KIF9: variants seen among roughly 807,000 people sequenced by gnomAD.
KIF9 encodes the protein kinesin-like protein KIF9.
Under a neutral mutation model 94.8 loss-of-function variants are expected in KIF9, and 68 were observed. The observed-to-expected ratio is 0.72, with a 90% CI of 0.59 to 0.88. KIF9 has a LOEUF of 0.88. Ranked by LOEUF, KIF9 falls within the 40% of genes least tolerant of loss-of-function variation. The pLI is 0.00. For synonymous variants in KIF9, 343 were observed against 362.1 expected (o/e 0.95, Z 0.60); for missense variants, 882 against 982.5 (o/e 0.90, Z 1.37).
Position 47,282,714 on chromosome 3 carries a change from T to G in KIF9, c.-225A>C. The G allele has an allele frequency of 7.2e-7, 1 of 1,381,332 alleles. No individual in the cohort carries two copies. The allele number at this position is 1,381,332 out of a possible 1,614,324, so 85.6% of individuals were successfully genotyped here. A position where few individuals can be genotyped will look rare whatever the true frequency, so the allele number is the denominator to read the frequency against. On this transcript the variant is annotated 5_prime_UTR_variant, in exon 1 of 21. Coordinates refer to ENST00000684063, the MANE Select transcript of KIF9 (RefSeq NM_182902.4). ...TCGGGAAGACGAGAGATGGGGCCGATTGATCTAGAAAGACTTCGGCGGATG... is the reference window on the plus strand; with the variant it reads ...TCGGGAAGACGAGAGATGGGGCCGAGTGATCTAGAAAGACTTCGGCGGATG...
chr3:47,254,287 G>A (rs1321605838), intron 10 of KIF9, among the ~76,000 whole-genome samples: 1 of 152,154 alleles, frequency 6.6e-6, no homozygotes, highest in Non-Finnish European at 1.5e-5. Context: ...GTGAAACCCT[G>A]TCTCTACTAA....
intron 5 of KIF9, among the ~76,000 whole-genome samples, chr3:47,270,193 C>G (rs536001881): frequency 2.3e-4 from 34 of 147,138 alleles, no homozygotes; most frequent in African/African-American, 7.8e-4. Context: ...CATGAGCCAC[C>G]GCACCTGGCT....
chr3:47,275,823 T>C (rs1008100532), intron 2 of KIF9, among the ~76,000 whole-genome samples: 3 of 152,190 alleles, frequency 2.0e-5, no homozygotes, highest in African/African-American at 7.2e-5. Flanking sequence ...ATAGATTCCA[T>C]AAGCATAGGG....
intron 10 of KIF9, among the ~76,000 whole-genome samples, chr3:47,253,969 CTA>C (rs1187394220): frequency 2.6e-5 from 4 of 152,150 alleles, no homozygotes; most frequent in Non-Finnish European, 4.4e-5. Context: ...TGTCTCTAGA[CTA>C]TATATACCTA....
At position 47,243,100 on chromosome 3, in the gene KIF9, T is replaced by C. The variant is rs760807261; in HGVS notation, c.1660A>G (p.Ile554Val). ...MLSRDRETSS[I>V]EPLPSDSPKE... is the part of the protein sequence containing the mutation. ...GGGGAGTCTGAGGGAAGGGGCTCAATGCTGGAAGTTTCCCGGTCCCGCGAA... is the reference window on the plus strand; with the variant it reads ...GGGGAGTCTGAGGGAAGGGGCTCAACGCTGGAAGTTTCCCGGTCCCGCGAA... Residue 554 changes from isoleucine to valine, a missense_variant, in exon 16 of 21, where the codon ATT becomes GTT. Coordinates refer to ENST00000684063, the MANE Select transcript of KIF9 (RefSeq NM_182902.4). The C allele has an allele frequency of 2.1e-5, 34 of 1,613,926 alleles. No individual in the cohort carries two copies. Among genetic ancestry groups the C allele is most frequent in the East Asian group, 4.5e-5 (2 of 44,886 alleles).
intron 9 of KIF9, among the ~76,000 whole-genome samples, chr3:47,259,041 A>G (rs1192063107): frequency 3.9e-5 from 6 of 152,108 alleles, no homozygotes; most frequent in Non-Finnish European, 8.8e-5. Context: ...GACACCCCTG[A>G]GCCATTCCTG....
At chr3:47,276,575 G>T (rs914663664) in intron 2 of KIF9, among the ~76,000 whole-genome samples, 4 of 144,516 alleles carry the variant, frequency 2.8e-5, no homozygotes, top group Non-Finnish European at 6.1e-5. Flanking sequence ...AAAAAAAAAA[G>T]AAAAGAAAGA....
chr3:47,259,010 G>A (rs998769604), intron 9 of KIF9, among the ~76,000 whole-genome samples: 4 of 152,154 alleles, frequency 2.6e-5, no homozygotes, highest in African/African-American at 9.7e-5. Flanking sequence ...AGCAGCGTCT[G>A]CTCAAACTTT....
At chr3:47,241,791 G>GTA (rs1553616042) in intron 16 of KIF9, among the ~76,000 whole-genome samples, 1 of 74,446 alleles carries the variant, frequency 1.3e-5, no homozygotes, top group Non-Finnish European at 2.7e-5. Flanking sequence ...GTATATACGT[G>GTA]TATATATGTA....
chr3:47,229,415 C>T (rs376894368), intron 20 of KIF9, among the ~76,000 whole-genome samples: 2 of 152,064 alleles, frequency 1.3e-5, no homozygotes, highest in African/African-American at 4.8e-5. Context: ...CACAAGGTCA[C>T]GATTTCAATA....
chr3:47,280,132 C>T (rs1702237465), intron 1 of KIF9, among the ~76,000 whole-genome samples: 1 of 151,820 alleles, frequency 6.6e-6, no homozygotes, highest in Non-Finnish European at 1.5e-5. Flanking sequence ...TAACGTTTTG[C>T]AATTTTGTAG....
chr3:47,281,348 TTTTG>T (rs538526283), intron 1 of KIF9, among the ~76,000 whole-genome samples: 165 of 152,186 alleles, frequency 1.1e-3, no homozygotes, highest in African/African-American at 3.4e-3. Context: ...TGTTTTTGTT[TTTTG>T]TTTATTTGTT....
chr3:47,276,010 A>G (rs1022124807), intron 2 of KIF9, among the ~76,000 whole-genome samples: 14 of 152,170 alleles, frequency 9.2e-5, no homozygotes, highest in Non-Finnish European at 2.1e-4. Context: ...AGCCACAGAG[A>G]AGGCTATGGA....
chr3:47,236,388 T>G (rs780348525), intron 18 of KIF9, 55 bp downstream of exon 18: 1 of 1,575,758 alleles, frequency 6.3e-7, no homozygotes, highest in South Asian at 1.1e-5. Flanking sequence ...GGCTGTGGCC[T>G]CTCCCTGAGT....
intron 18 of KIF9, 62 bp downstream of exon 18, chr3:47,236,381 T>G: frequency 6.4e-7 from 1 of 1,558,326 alleles, no homozygotes; most frequent in Non-Finnish European, 8.8e-7. Flanking sequence ...GAACTCAGGC[T>G]GTGGCCTCTC....
intron 9 of KIF9, among the ~76,000 whole-genome samples, chr3:47,262,105 G>T (rs928208466): frequency 6.6e-6 from 1 of 152,100 alleles, no homozygotes; most frequent in African/African-American, 2.4e-5. Flanking sequence ...ACAAGCCCCC[G>T]GAGACTGCGG....
In KIF9 at chr3:47,273,536, TGGGCCCACTCTCTACCTGCTG is replaced by T. The variant is rs1313417685; in HGVS notation, c.361_366+15del. ...GGGAACCTGTGTGGCATCCCACCCT[TGGGCCCACTCTCTACCTGCTG>T]CAGGGCACGAGGGAGGATCCCCCGG... On this transcript the variant is annotated splice_donor_variant and splice_donor_5th_base_variant and coding_sequence_variant and intron_variant, in exon 4 of 21. Coordinates refer to ENST00000684063, the MANE Select transcript of KIF9 (RefSeq NM_182902.4). LOFTEE classifies it high-confidence loss of function. The T allele has an allele frequency of 9.5e-6, 15 of 1,571,808 alleles. No individual in the cohort carries two copies. The highest frequency in any genetic ancestry group is 1.3e-5 in the Non-Finnish European group (15 of 1,154,180).
intron 17 of KIF9, chr3:47,240,132 C>CGA: frequency 5.7e-6 from 2 of 349,412 alleles, no homozygotes; most frequent in South Asian, 2.4e-5. Context: ...TGGGCCTTGG[C>CGA]CCTCAGTGCA....
At chr3:47,280,878 C>T (rs1702287897) in intron 1 of KIF9, 4 of 702,646 alleles carry the variant, frequency 5.7e-6, no homozygotes, top group African/African-American at 1.7e-5. Flanking sequence ...TTTGCACACC[C>T]GTCTTGTGAG....
Sources: allele counts gnomAD v4.1 joint callset (sites outside exome capture counted in the v4.1 genomes callset), GRCh38; gene constraint gnomAD v4.1.1; transcripts MANE v1.5; gene names NCBI Gene and HGNC (gene_info 2026-07-23, HGNC 2026-07-21).